ADAMTSL1: variants seen among roughly 807,000 people sequenced by gnomAD.
The protein encoded by ADAMTSL1 is ADAMTS like 1.
In ADAMTSL1, 126 loss-of-function variants were observed where a neutral mutation model predicts 201.8. The observed-to-expected ratio is 0.62, with a 90% CI of 0.54 to 0.72. ADAMTSL1 has a LOEUF of 0.72. Ranked by LOEUF, ADAMTSL1 falls within the 30% of genes least tolerant of loss-of-function variation. The pLI is 0.00. For synonymous variants in ADAMTSL1, 1,121 were observed against 903.4 expected, an observed-to-expected ratio of 1.24 and a Z score of -4.32; for missense variants, 2,679 against 2,277.8, an observed-to-expected ratio of 1.18 and a Z score of -3.59.
intron 1 of ADAMTSL1, among the ~76,000 whole-genome samples, chr9:18,107,752 A>G (rs747451254): frequency 6.6e-6 from 1 of 152,168 alleles, no homozygotes; most frequent in Non-Finnish European, 1.5e-5. Flanking sequence ...ACATTAAATC[A>G]TTGTGAATTT....
At chr9:18,719,050 G>A (rs1334366985) in intron 14 of ADAMTSL1, among the ~76,000 whole-genome samples, 1 of 152,278 alleles carries the variant, frequency 6.6e-6, no homozygotes, top group African/African-American at 2.4e-5. Flanking sequence ...GACTATTCCA[G>A]TGGGAAGTAT....
At chr9:18,760,296 C>T (rs920513621) in intron 16 of ADAMTSL1, among the ~76,000 whole-genome samples, 5 of 152,132 alleles carry the variant, frequency 3.3e-5, no homozygotes, top group Admixed American at 3.3e-4. Context: ...TCCTTACAAT[C>T]AACTCATCAA....
At chr9:18,490,554 C>T (rs977084148) in intron 1 of ADAMTSL1, among the ~76,000 whole-genome samples, 7 of 151,934 alleles carry the variant, frequency 4.6e-5, no homozygotes, top group Non-Finnish European at 1.0e-4. Context: ...TTGGAAGAGA[C>T]GTAGATTTGT....
intron 4 of ADAMTSL1, among the ~76,000 whole-genome samples, chr9:18,618,371 G>A (rs534114395): frequency 2.0e-4 from 30 of 152,044 alleles, no homozygotes; most frequent in East Asian, 9.7e-4. Flanking sequence ...ATTCAGCAGC[G>A]TTTATTGTGC....
intron 1 of ADAMTSL1, among the ~76,000 whole-genome samples, chr9:18,125,799 T>G (rs1178407439): frequency 6.6e-6 from 1 of 152,200 alleles, no homozygotes; most frequent in Non-Finnish European, 1.5e-5. Context: ...TATTCCAAAC[T>G]GTAGATTTGC....
At chr9:18,337,611 C>A (rs902456142) in intron 2 of ADAMTSL1, among the ~76,000 whole-genome samples, 1 of 152,100 alleles carries the variant, frequency 6.6e-6, no homozygotes, top group Admixed American at 6.6e-5. Flanking sequence ...GTGGCAAAAT[C>A]GGGAGTTAGA....
intron 11 of ADAMTSL1, 112 bp from the exon 12 acceptor site, chr9:18,681,700 G>GGGGGGC: frequency 1.5e-6 from 1 of 673,508 alleles, no homozygotes; most frequent in Non-Finnish European, 2.1e-6. Context: ...CCTCGTGTGG[G>GGGGGGC]GGGGGGGGGC....
At chr9:18,577,014 C>T (rs1266269762) in intron 4 of ADAMTSL1, among the ~76,000 whole-genome samples, 2 of 152,070 alleles carry the variant, frequency 1.3e-5, no homozygotes, top group East Asian at 1.9e-4. Context: ...GGTAATGGTC[C>T]CCAGATTTGG....
chr9:18,864,191 C>A lies in ADAMTSL1; in HGVS notation c.4250-23640C>A, dbSNP rs140871091. Among the ~76,000 whole-genome samples the A allele has an allele frequency of 2.2e-4, 33 of 152,246 alleles. No homozygotes were observed. The East Asian group carries it at 6.0e-3, about 28-fold the overall frequency. On this transcript the variant is annotated intron_variant, in intron 23 of 28. Coordinates refer to ENST00000380548, the MANE Select transcript of ADAMTSL1 (RefSeq NM_001040272.6). Reference sequence around the variant, plus strand: ...ATTCTTATTTTCAGAGCATTCTTCCCCGTGAACTGGGTTCAGTCCATTTAC... The same window carrying A: ...ATTCTTATTTTCAGAGCATTCTTCCACGTGAACTGGGTTCAGTCCATTTAC...
intron 1 of ADAMTSL1, among the ~76,000 whole-genome samples, chr9:17,948,356 G>C (rs1275895916): frequency 6.6e-6 from 1 of 152,108 alleles, no homozygotes; most frequent in Non-Finnish European, 1.5e-5. Flanking sequence ...ATTTTCCATT[G>C]CTCCAGTTGA....
At chr9:18,061,000 T>C (rs1822426776) in intron 1 of ADAMTSL1, among the ~76,000 whole-genome samples, 1 of 152,182 alleles carries the variant, frequency 6.6e-6, no homozygotes, top group Admixed American at 6.5e-5. Context: ...ATGCTACCTG[T>C]TACTCATGGC....
chr9:18,857,227 G>A (rs935050559), intron 23 of ADAMTSL1, among the ~76,000 whole-genome samples: 2 of 152,346 alleles, frequency 1.3e-5, no homozygotes, highest in African/African-American at 4.8e-5. Context: ...TCGGGAGTAA[G>A]TTGCTGACAT....
At chr9:18,673,828 G>A (rs1472447065) in intron 9 of ADAMTSL1, among the ~76,000 whole-genome samples, 1 of 151,998 alleles carries the variant, frequency 6.6e-6, no homozygotes, top group East Asian at 1.9e-4. Flanking sequence ...AAGTCAACTT[G>A]ATTTATTCCT....
At chr9:18,835,732 C>A (rs1047981952) in intron 23 of ADAMTSL1, among the ~76,000 whole-genome samples, 5 of 152,076 alleles carry the variant, frequency 3.3e-5, no homozygotes, top group African/African-American at 1.2e-4. Context: ...TGTTTAGTTC[C>A]TGCTTCTAAG....
At chr9:18,094,901 A>C (rs759484119) in intron 1 of ADAMTSL1, among the ~76,000 whole-genome samples, 3 of 152,088 alleles carry the variant, frequency 2.0e-5, no homozygotes, top group Non-Finnish European at 4.4e-5. Context: ...GCCTCATTTC[A>C]TCAGGTTCAG....
At chr9:18,357,252 T>G (rs1253595013) in intron 2 of ADAMTSL1, among the ~76,000 whole-genome samples, 2 of 152,078 alleles carry the variant, frequency 1.3e-5, no homozygotes, top group Non-Finnish European at 2.9e-5. Flanking sequence ...AGCAAAGTAT[T>G]TTTTTTCAAT....
At position 18,672,392 on chromosome 9, in the gene ADAMTSL1, G is replaced by T. The variant is rs149245350; in HGVS notation, c.1086-3465G>T. On this transcript the variant is annotated intron_variant, in intron 9 of 28. Transcript: ENST00000380548. The stretch of plus-strand genomic sequence containing the variant: ...ATTCTAATTGTTGTAATTGTAAAAG[G>T]TGATATATTATAGAAAGCTTAGAAA... Among the ~76,000 whole-genome samples, 1,285 of 152,130 alleles carry T rather than the reference G, an allele frequency of 8.4e-3. 13 individuals carry two copies. The highest frequency in any genetic ancestry group is 0.029 in the African/African-American group (1,224 of 41,506).
At chr9:17,906,871 C>T (rs1825733223) in exon 1 of ADAMTSL1, 2 of 152,274 alleles carry the variant, frequency 1.3e-5, no homozygotes, top group African/African-American at 4.8e-5. Context: ...GCCCCGGGTT[C>T]CTGGCCCGCC....
intron 1 of ADAMTSL1, among the ~76,000 whole-genome samples, chr9:18,133,113 G>A (rs964363746): frequency 3.3e-5 from 5 of 152,034 alleles, no homozygotes; most frequent in African/African-American, 4.8e-5. Flanking sequence ...ACTCTCCTCC[G>A]GAATTAAGGG....
Sources: gnomAD v4.1 joint callset for allele counts (sites outside exome capture counted in the v4.1 genomes callset) on GRCh38, gnomAD v4.1.1 for gene constraint, MANE v1.5 for transcripts, NCBI Gene and HGNC (gene_info 2026-07-23, HGNC 2026-07-21) for gene names.